The following CRPPA variants were observed in gnomAD, a reference collection of about 807,000 sequenced individuals.
The protein encoded by CRPPA is D-ribitol-5-phosphate cytidylyltransferase.
Under a neutral mutation model 52.0 loss-of-function variants are expected in CRPPA, and 43 were observed. The observed-to-expected ratio is 0.83, with a 90% CI of 0.65 to 1.07. The LOEUF is 1.07. Ranked by LOEUF, CRPPA falls within the 50% of genes least tolerant of loss-of-function variation. The pLI is 0.00. For synonymous variants in CRPPA, 250 were observed against 203.5 expected, an observed-to-expected ratio of 1.23 and a Z score of -1.94; for missense variants, 629 against 551.7, an observed-to-expected ratio of 1.14 and a Z score of -1.40.
rs1010753990 is a variant in CRPPA at position 16,274,301 on chromosome 7, G to A, written c.933+3828C>T. 2.0e-5 allele frequency among the ~76,000 whole-genome samples: 3 copies of A among 152,238 alleles called. No individual in the cohort carries two copies. The East Asian group carries it at 5.8e-4, about 29-fold the overall frequency. On this transcript the variant is annotated intron_variant, in intron 6 of 9. Transcript: ENST00000407010. Reference sequence around the variant, plus strand: ...CTGACTTCGTGATCCGCCCACCTCGGATCCCAAATTGCTGGGATTACGGAC... The same window carrying A: ...CTGACTTCGTGATCCGCCCACCTCGAATCCCAAATTGCTGGGATTACGGAC...
intron 9 of CRPPA, among the ~76,000 whole-genome samples, chr7:16,187,037 C>T (rs1298825778): frequency 6.6e-6 from 1 of 152,130 alleles, no homozygotes; most frequent in East Asian, 1.9e-4. Flanking sequence ...CTTTCAGATT[C>T]ATAGTCTCCA....
At chr7:16,366,848 A>G (rs74981671) in intron 3 of CRPPA, among the ~76,000 whole-genome samples, 1 of 152,258 alleles carries the variant, frequency 6.6e-6, no homozygotes, top group East Asian at 1.9e-4. Context: ...ATGACCGTGA[A>G]GAGATAAACA....
rs932394115 is a variant in CRPPA, at chr7:16,166,251, A to C, written c.1251+49815T>G. On this transcript the variant is annotated intron_variant, in intron 9 of 9. Coordinates refer to ENST00000407010, the MANE Select transcript of CRPPA (RefSeq NM_001101426.4). ...GACAGCATTAGGATTAGATAGTTGCATGAAGATTCCTAACACTACTGGTAC... is the reference window on the plus strand; with the variant it reads ...GACAGCATTAGGATTAGATAGTTGCCTGAAGATTCCTAACACTACTGGTAC... 2.6e-5 allele frequency among the ~76,000 whole-genome samples: 4 copies of C among 152,144 alleles called. No individual in the cohort carries two copies. The East Asian group carries it at 7.8e-4, about 30-fold the overall frequency.
chr7:16,256,104 TCAAA>T (rs1783631809), intron 8 of CRPPA, among the ~76,000 whole-genome samples: 1 of 151,592 alleles, frequency 6.6e-6, no homozygotes, highest in African/African-American at 2.4e-5. Flanking sequence ...CAAGAAAAAA[TCAAA>T]CAACCCCATA....
At position 16,124,367 on chromosome 7, in the gene CRPPA, G is replaced by GTA. The variant is rs200582034; in HGVS notation, c.1252-32570_1252-32569dup. Reference sequence around the variant, plus strand: ...GAAGTGACTTTCAGATTAATTTGTAGTATATATATATGCAATGGGATACTA... The same window carrying GTA: ...GAAGTGACTTTCAGATTAATTTGTAGTATATATATATATGCAATGGGATACTA... On this transcript the variant is annotated intron_variant, in intron 9 of 9. Coordinates refer to ENST00000407010, the MANE Select transcript of CRPPA (RefSeq NM_001101426.4). Among the ~76,000 whole-genome samples, 42 of 151,708 alleles carry GTA rather than the reference G, an allele frequency of 2.8e-4. No homozygotes were observed. In the East Asian group the frequency reaches 6.6e-3, roughly 24 times the overall value.
In CRPPA at chr7:16,308,633, G is replaced by A. The variant is rs1303460135; in HGVS notation, c.685-6C>T. 1 of 1,511,656 alleles carries A rather than the reference G, an allele frequency of 6.6e-7. No individual in the cohort carries two copies. Among genetic ancestry groups the A allele is most frequent in the East Asian group, 2.3e-5 (1 of 44,150 alleles). The allele number at this position is 1,511,656 out of a possible 1,614,324, so 93.6% of individuals were successfully genotyped here. On this transcript the variant is annotated splice_polypyrimidine_tract_variant and splice_region_variant and intron_variant, in intron 3 of 9. Transcript: ENST00000407010. ...TCCAAGTCATAGTCACTACACTGGT[G>A]TGGAAACAACAACAACAACAATTAA...
intron 5 of CRPPA, among the ~76,000 whole-genome samples, chr7:16,281,936 G>A (rs181169363): frequency 1.4e-4 from 21 of 152,172 alleles, no homozygotes; most frequent in Non-Finnish European, 2.4e-4. Flanking sequence ...GATACTGACT[G>A]AGCATTCAAT....
At chr7:16,262,727 C>T (rs1783841871) in intron 6 of CRPPA, among the ~76,000 whole-genome samples, 2 of 152,196 alleles carry the variant, frequency 1.3e-5, no homozygotes, top group South Asian at 4.1e-4. Context: ...TCTCACACTT[C>T]AGCTTCTCAA....
chr7:16,230,532 C>G (rs1032917260), intron 8 of CRPPA, among the ~76,000 whole-genome samples: 2 of 152,070 alleles, frequency 1.3e-5, no homozygotes, highest in African/African-American at 4.8e-5. Context: ...ACATTCTGGT[C>G]ACTGTTTTCT....
chr7:16,204,730 T>G (rs1781930800), intron 9 of CRPPA, among the ~76,000 whole-genome samples: 1 of 152,182 alleles, frequency 6.6e-6, no homozygotes, highest in African/African-American at 2.4e-5. Context: ...TTGAGATAAT[T>G]CATTCAAGTT....
At chr7:16,193,868 G>A (rs964814753) in intron 9 of CRPPA, among the ~76,000 whole-genome samples, 1 of 151,968 alleles carries the variant, frequency 6.6e-6, no homozygotes, top group Non-Finnish European at 1.5e-5. Flanking sequence ...CCTTTACTTA[G>A]GCAGGATGAT....
At chr7:16,297,150 T>A (rs1784690838) in intron 5 of CRPPA, among the ~76,000 whole-genome samples, 2 of 152,156 alleles carry the variant, frequency 1.3e-5, no homozygotes, top group Admixed American at 6.5e-5. Context: ...AAATAATGGA[T>A]CTTGCTCTTA....
chr7:16,142,305 A>T lies in CRPPA; in HGVS notation c.1252-50506T>A, dbSNP rs1782889488. Among the ~76,000 whole-genome samples the T allele has an allele frequency of 3.3e-5, 5 of 152,218 alleles. No homozygotes were observed. In the South Asian group the frequency reaches 1.0e-3, roughly 31 times the overall value. On this transcript the variant is annotated intron_variant, in intron 9 of 9. Transcript: ENST00000407010. ...TTGTACGTTATTTCATCCCCTAGGT[A>T]CTAAGCCTAGTACTCAATCATTTTT...
intron 3 of CRPPA, among the ~76,000 whole-genome samples, chr7:16,367,319 G>T (rs939448041): frequency 6.6e-6 from 1 of 152,016 alleles, no homozygotes; most frequent in Non-Finnish European, 1.5e-5. Context: ...AGGCACAACC[G>T]AACAACTAAG....
rs528818362 is a variant in CRPPA at position 16,315,966 on chromosome 7, G to T, written c.685-7339C>A. ...GATATGAAAAGTTTATTTTTCAATT[G>T]TTCAATATTTTACTTGTTAGGAAGG... On this transcript the variant is annotated intron_variant, in intron 3 of 9. Coordinates refer to ENST00000407010, the MANE Select transcript of CRPPA (RefSeq NM_001101426.4). 1.2e-3 allele frequency among the ~76,000 whole-genome samples: 178 copies of T among 152,114 alleles called. 1 individual carries two copies. The highest frequency in any genetic ancestry group is 4.1e-3 in the African/African-American group (170 of 41,516).
At chr7:16,196,081 T>C (rs931349334) in intron 9 of CRPPA, among the ~76,000 whole-genome samples, 1 of 152,034 alleles carries the variant, frequency 6.6e-6, no homozygotes, top group Non-Finnish European at 1.5e-5. Flanking sequence ...CATGTATATA[T>C]GTAGTATATG....
chr7:16,286,032 AAAAAAAATATAAAT>A (rs1562608236), intron 5 of CRPPA, among the ~76,000 whole-genome samples: 43 of 27,222 alleles, frequency 1.6e-3, no homozygotes, highest in Non-Finnish European at 2.0e-3. Context: ...AAAAAAAAAA[AAAAAAAATATAAAT>A]ATATATATAT....
chr7:16,275,586 G>A (rs1784183760), intron 6 of CRPPA, among the ~76,000 whole-genome samples: 1 of 152,068 alleles, frequency 6.6e-6, no homozygotes, highest in South Asian at 2.1e-4. Context: ...TCCGCCCTTT[G>A]GGAGGCCAAC....
intron 9 of CRPPA, among the ~76,000 whole-genome samples, chr7:16,201,466 T>A (rs886859989): frequency 6.6e-6 from 1 of 152,188 alleles, no homozygotes; most frequent in Admixed American, 6.5e-5. Flanking sequence ...ATGGCACACA[T>A]TCCCCTATTC....
Sources: gnomAD v4.1 joint callset for allele counts (sites outside exome capture counted in the v4.1 genomes callset) on GRCh38, gnomAD v4.1.1 for gene constraint, MANE v1.5 for transcripts, NCBI Gene and HGNC (gene_info 2026-07-23, HGNC 2026-07-21) for gene names.